GRID2: variants seen among roughly 807,000 people sequenced by gnomAD.
GRID2 encodes the protein glutamate receptor ionotropic, delta-2.
In GRID2, 33 loss-of-function variants were observed where a neutral mutation model predicts 114.8. The ratio of observed to expected loss-of-function variants is 0.29; its 90% CI spans 0.22 to 0.38. The LOEUF (loss-of-function observed/expected upper bound fraction) is 0.38. Ranked by LOEUF, GRID2 falls within the 10% of genes least tolerant of loss-of-function variation. GRID2 has a pLI of 1.00. For synonymous variants in GRID2, 505 were observed against 449.9 expected (o/e 1.12, Z -1.55); for missense variants, 1,184 against 1,257.7 (o/e 0.94, Z 0.89).
In GRID2 at chr4:92,868,058, TTCTTTCTTTCTGTCTG is replaced by T. The variant is rs750104184; in HGVS notation, c.245-216933_245-216918del. Among the ~76,000 whole-genome samples, 1,179 of 134,296 alleles carry T rather than the reference TTCTTTCTTTCTGTCTG, an allele frequency of 8.8e-3. 3 individuals are homozygous for T. The highest frequency in any genetic ancestry group is 0.023 in the East Asian group (100 of 4,292). The allele number at this position is 134,296 out of a possible 152,430, so 88.1% of individuals were successfully genotyped here. A position where few individuals can be genotyped will look rare whatever the true frequency, so the allele number is the denominator to read the frequency against. On this transcript the variant is annotated intron_variant, in intron 2 of 15. Coordinates refer to ENST00000282020, the MANE Select transcript of GRID2 (RefSeq NM_001510.4). ...TTTCTTTCTTTCTTTCTTTCTTTCT[TTCTTTCTTTCTGTCTG>T]TCTGTCTGTCTGTCTTTCTTTCTTT...
chr4:93,602,293 T>C (rs1578369251), intron 13 of GRID2, among the ~76,000 whole-genome samples: 2 of 152,224 alleles, frequency 1.3e-5, no homozygotes, highest in Non-Finnish European at 2.9e-5. Context: ...AGTTAAGTGT[T>C]ACCTGTATAG....
intron 14 of GRID2, among the ~76,000 whole-genome samples, chr4:93,762,585 G>A (rs1201787421): frequency 2.0e-5 from 3 of 152,158 alleles, no homozygotes; most frequent in African/African-American, 7.2e-5. Context: ...GATTCTAACA[G>A]AGGTCAGGAG....
intron 8 of GRID2, among the ~76,000 whole-genome samples, chr4:93,328,881 G>A (rs540393005): frequency 3.9e-5 from 6 of 152,246 alleles, no homozygotes; most frequent in East Asian, 1.9e-4. Flanking sequence ...GGATGAAATC[G>A]TCCAGGGATA....
intron 4 of GRID2, among the ~76,000 whole-genome samples, chr4:93,151,360 T>G (rs1736725046): frequency 6.6e-6 from 1 of 151,980 alleles, no homozygotes; most frequent in African/African-American, 2.4e-5. Context: ...CCCCATCCTT[T>G]TCCATCCCCT....
chr4:93,382,618 T>A (rs1763962669), intron 8 of GRID2, among the ~76,000 whole-genome samples: 1 of 152,018 alleles, frequency 6.6e-6, no homozygotes, highest in Non-Finnish European at 1.5e-5. Context: ...TATAATTTAT[T>A]CATGTATTAT....
chr4:93,327,224 A>G (rs1757928824), intron 8 of GRID2, among the ~76,000 whole-genome samples: 1 of 152,156 alleles, frequency 6.6e-6, no homozygotes, highest in African/African-American at 2.4e-5. Context: ...GCTCCAGATC[A>G]TTTATACAAA....
chr4:93,787,049 A>T (rs1734607527), intron 1 of GRID2, among the ~76,000 whole-genome samples: 1 of 151,320 alleles, frequency 6.6e-6, no homozygotes, highest in Non-Finnish European at 1.5e-5. Context: ...ATAGATTCAG[A>T]ACCCAGGTTC....
chr4:92,521,560 G>T lies in GRID2; in HGVS notation c.89-68571G>T, dbSNP rs183213751. 5.3e-5 allele frequency among the ~76,000 whole-genome samples: 8 copies of T among 151,970 alleles called. No homozygotes were observed. In the East Asian group the frequency reaches 1.6e-3, roughly 30 times the overall value. The stretch of plus-strand genomic sequence containing the variant: ...TGCATAGAATTCCTTTATTCACAGA[G>T]AATCATTTATTGAATACATTCTATT... On this transcript the variant is annotated intron_variant, in intron 1 of 15. Coordinates refer to ENST00000282020, the MANE Select transcript of GRID2 (RefSeq NM_001510.4).
chr4:92,830,776 A>G (rs1742048941), intron 2 of GRID2, among the ~76,000 whole-genome samples: 1 of 152,184 alleles, frequency 6.6e-6, no homozygotes, highest in Admixed American at 6.5e-5. Context: ...TAAAGCAAAA[A>G]TACTTATTCT....
chr4:92,489,665 G>A (rs1723060078), intron 1 of GRID2, among the ~76,000 whole-genome samples: 1 of 151,964 alleles, frequency 6.6e-6, no homozygotes, highest in Non-Finnish European at 1.5e-5. Context: ...GGCTAACATG[G>A]TGAAACACCG....
At chr4:92,553,622 C>T (rs1170797897) in intron 1 of GRID2, among the ~76,000 whole-genome samples, 1 of 151,286 alleles carries the variant, frequency 6.6e-6, no homozygotes, top group Non-Finnish European at 1.5e-5. Flanking sequence ...AATGACATAC[C>T]TCCCCAACTT....
At chr4:93,348,735 G>GCAGATATTCTGCTTAGCATATTCTGCTTA (rs1210694360) in intron 8 of GRID2, among the ~76,000 whole-genome samples, 2 of 152,086 alleles carry the variant, frequency 1.3e-5, no homozygotes, top group Non-Finnish European at 2.9e-5. Flanking sequence ...GCATATTCTG[G>GCAGATATTCTGCTTAGCATATTCTGCTTA]GTATATATCA....
rs188450213 is a variant in GRID2, at chr4:93,706,750, G to A, written c.2361-62460G>A. 6.6e-5 allele frequency among the ~76,000 whole-genome samples: 10 copies of A among 152,256 alleles called. No homozygotes were observed. The East Asian group carries it at 1.4e-3, about 21-fold the overall frequency. ...CTCTAGCAAGGACTTCCAGTACTCT[G>A]TTGAGTAACAGTGGTGAAAGCAGGC... On this transcript the variant is annotated intron_variant, in intron 14 of 15. Coordinates refer to ENST00000282020, the MANE Select transcript of GRID2 (RefSeq NM_001510.4).
rs1414014793 is a variant in GRID2, at chr4:92,584,516, CTTTAT to C, written c.89-5610_89-5606del. ...CCAAGGCAGAAGGTTGCACTTTTTTCTTTATTTTAACTTCCTAAACTAAAGTTTTT... is the reference window on the plus strand; with the variant it reads ...CCAAGGCAGAAGGTTGCACTTTTTTCTTTAACTTCCTAAACTAAAGTTTTT... On this transcript the variant is annotated intron_variant, in intron 1 of 15. Coordinates refer to ENST00000282020, the MANE Select transcript of GRID2 (RefSeq NM_001510.4). 2.6e-5 allele frequency among the ~76,000 whole-genome samples: 4 copies of C among 152,000 alleles called. No individual in the cohort carries two copies. In the East Asian group the frequency reaches 7.7e-4, roughly 29 times the overall value.
chr4:92,701,126 T>C (rs1000556001), intron 2 of GRID2, among the ~76,000 whole-genome samples: 2 of 152,198 alleles, frequency 1.3e-5, no homozygotes, highest in Non-Finnish European at 2.9e-5. Flanking sequence ...TGAATTAACC[T>C]TCCTTATCGT....
chr4:92,870,792 A>C (rs948995434), intron 2 of GRID2, among the ~76,000 whole-genome samples: 1 of 152,146 alleles, frequency 6.6e-6, no homozygotes, highest in African/African-American at 2.4e-5. Flanking sequence ...TAGATTTTAC[A>C]GTTTAAAATT....
At chr4:92,851,174 T>A (rs1204139636) in intron 2 of GRID2, among the ~76,000 whole-genome samples, 1 of 151,952 alleles carries the variant, frequency 6.6e-6, no homozygotes, top group Non-Finnish European at 1.5e-5. Context: ...TATGTACTTG[T>A]GAATTACTGC....
At chr4:93,659,106 T>C (rs1372233608) in intron 14 of GRID2, among the ~76,000 whole-genome samples, 11 of 151,710 alleles carry the variant, frequency 7.3e-5, no homozygotes, top group African/African-American at 2.4e-5. Context: ...CAGCAACAGC[T>C]AAGTTAAGGA....
At chr4:93,388,923 A>G (rs1560570016) in intron 8 of GRID2, among the ~76,000 whole-genome samples, 1 of 152,132 alleles carries the variant, frequency 6.6e-6, no homozygotes, top group African/African-American at 2.4e-5. Flanking sequence ...AATCTTAGAG[A>G]TATCTGAGCT....
Sources: allele counts gnomAD v4.1 joint callset (sites outside exome capture counted in the v4.1 genomes callset), GRCh38; gene constraint gnomAD v4.1.1; transcripts MANE v1.5; gene names NCBI Gene and HGNC (gene_info 2026-07-23, HGNC 2026-07-21).